The following IFNGR2 variants were observed in gnomAD, a reference collection of about 807,000 sequenced individuals.
IFNGR2 encodes the protein interferon gamma receptor 2, also known as IFN-gamma receptor 2.
In IFNGR2, 15 loss-of-function variants were observed where a neutral mutation model predicts 41.1. That is an observed-to-expected ratio of 0.37 (90% CI 0.24 to 0.56). IFNGR2 has a LOEUF of 0.56. Among genes scored for constraint, IFNGR2 ranks in the 20% least tolerant of loss-of-function variants. The pLI is 0.81. For missense variants in IFNGR2, 362 were observed against 415.7 expected, an observed-to-expected ratio of 0.87 and a Z score of 1.12; for synonymous variants, 161 against 171.6, an observed-to-expected ratio of 0.94 and a Z score of 0.48.
At chr21:33,413,826 CTTTTTTTTTT>C (rs3057381) in intron 1 of IFNGR2, among the ~76,000 whole-genome samples, 4 of 61,740 alleles carry the variant, frequency 6.5e-5, no homozygotes, top group East Asian at 1.0e-3. Flanking sequence ...GCCCCCTAAC[CTTTTTTTTTT>C]TTTTTTTTTT....
intron 6 of IFNGR2, among the ~76,000 whole-genome samples, chr21:33,435,463 C>A (rs990466955): frequency 1.3e-5 from 2 of 152,106 alleles, no homozygotes; most frequent in Non-Finnish European, 2.9e-5. Flanking sequence ...ATCAGAAAAT[C>A]AGAAGAAAAA....
intron 2 of IFNGR2, among the ~76,000 whole-genome samples, chr21:33,416,888 G>C (rs2083757575): frequency 6.7e-6 from 1 of 149,192 alleles, no homozygotes; most frequent in Non-Finnish European, 1.5e-5. Context: ...TGTTAGAGGA[G>C]TAGGTTTCCA....
chr21:33,429,122 G>A (rs2083864192), intron 4 of IFNGR2, among the ~76,000 whole-genome samples: 1 of 152,192 alleles, frequency 6.6e-6, no homozygotes, highest in Non-Finnish European at 1.5e-5. Context: ...CTATAAGCTG[G>A]AGCCTGTGAA....
intron 1 of IFNGR2, among the ~76,000 whole-genome samples, chr21:33,405,590 A>C (rs1376442440): frequency 1.3e-5 from 2 of 152,186 alleles, no homozygotes; most frequent in African/African-American, 4.8e-5. Context: ...CTTACCTGTG[A>C]TGAGTCCAGA....
chr21:33,431,633 G>A (rs180764014), intron 4 of IFNGR2, among the ~76,000 whole-genome samples: 3 of 152,244 alleles, frequency 2.0e-5, no homozygotes, highest in Non-Finnish European at 2.9e-5. Flanking sequence ...CCAGGCTGGC[G>A]CAATCTCAGC....
intron 3 of IFNGR2, among the ~76,000 whole-genome samples, chr21:33,422,371 A>T (rs2083800257): frequency 1.3e-5 from 2 of 152,214 alleles, no homozygotes; most frequent in South Asian, 4.1e-4. Flanking sequence ...CATGAAACTT[A>T]CATGGATCTT....
intron 6 of IFNGR2, among the ~76,000 whole-genome samples, 159 bp from the exon 7 acceptor site, chr21:33,436,669 C>T (rs1251996921): frequency 6.6e-6 from 1 of 151,392 alleles, no homozygotes; most frequent in Non-Finnish European, 1.5e-5. Context: ...TTGCAGTGAG[C>T]TGAGATCACA....
intron 1 of IFNGR2, among the ~76,000 whole-genome samples, chr21:33,409,820 T>C (rs1422186535): frequency 6.6e-6 from 1 of 152,156 alleles, no homozygotes; most frequent in Non-Finnish European, 1.5e-5. Context: ...ACATGTCCCT[T>C]GGTTTCCTAA....
rs78607908 is a variant in IFNGR2 at position 33,415,094 on chromosome 21, A to C, written c.206+74A>C. On this transcript the variant is annotated intron_variant, in intron 2 of 6. Transcript: ENST00000290219. Reference sequence around the variant, plus strand: ...GTGCGGAACCCTGGGGCCACATACTAGTCCCTGCCTCTGTGCAGGGTTTGT... The same window carrying C: ...GTGCGGAACCCTGGGGCCACATACTCGTCCCTGCCTCTGTGCAGGGTTTGT... The C allele has an allele frequency of 2.0e-6, 3 of 1,527,160 alleles. No homozygotes were observed. The African/African-American group carries it at 4.1e-5, about 21-fold the overall frequency. 94.6% of individuals were successfully genotyped at this position (1,527,160 alleles called of 1,614,324 possible). A position where few individuals can be genotyped will look rare whatever the true frequency, so the allele number is the denominator to read the frequency against.
Position 33,436,872 on chromosome 21 carries a change from G to A in IFNGR2, c.924G>A (p.Lys308=). The A allele has an allele frequency of 6.2e-7, 1 of 1,614,090 alleles. No homozygotes were observed. The change falls in exon 7 of 7, where the codon AAG becomes AAA. Residue 308 remains lysine, a synonymous_variant. Coordinates refer to ENST00000290219, the MANE Select transcript of IFNGR2 (RefSeq NM_005534.4). The part of the protein sequence containing the change: ...PTQPILEALD[K]DSSPKDDVWD... Reference sequence around the variant, plus strand: ...AGCCCATCTTAGAGGCCTTGGACAAGGACAGCTCACCAAAGGATGACGTCT... The same window carrying A: ...AGCCCATCTTAGAGGCCTTGGACAAAGACAGCTCACCAAAGGATGACGTCT...
chr21:33,407,844 G>A (rs974279419), intron 1 of IFNGR2, among the ~76,000 whole-genome samples: 3 of 55,744 alleles, frequency 5.4e-5, no homozygotes, highest in East Asian at 5.7e-4. Context: ...GATCCCCACC[G>A]CACCCCCCCC....
At chr21:33,419,191 C>T (rs576464250) in intron 2 of IFNGR2, among the ~76,000 whole-genome samples, 3 of 152,242 alleles carry the variant, frequency 2.0e-5, no homozygotes, top group East Asian at 1.9e-4. Context: ...CTGAAACCTC[C>T]GCCGCCTGGG....
chr21:33,423,432 G>T (rs1423522967), intron 3 of IFNGR2, among the ~76,000 whole-genome samples: 1 of 151,588 alleles, frequency 6.6e-6, no homozygotes, highest in Admixed American at 6.6e-5. Context: ...TTGCACTGTC[G>T]CCCAGGCTGG....
Position 33,410,055 on chromosome 21 carries a change from C to T in IFNGR2, c.74-4833C>T, listed in dbSNP as rs187388694. 1.6e-4 allele frequency among the ~76,000 whole-genome samples: 25 copies of T among 151,834 alleles called. No individual in the cohort carries two copies. In the East Asian group the frequency reaches 3.5e-3, roughly 21 times the overall value. ...AACATACCAGTAAGTTCCTTGCCTT[C>T]GGGGAAGTTTAAGTTTATTAAAAGC... On this transcript the variant is annotated intron_variant, in intron 1 of 6. Transcript: ENST00000290219.
At chr21:33,435,882 C>A (rs1184597446) in intron 6 of IFNGR2, among the ~76,000 whole-genome samples, 37 of 48,242 alleles carry the variant, frequency 7.7e-4, no homozygotes, top group Admixed American at 1.6e-3. Context: ...GACTCCGTCT[C>A]AAAAAAAAAA....
intron 3 of IFNGR2, among the ~76,000 whole-genome samples, chr21:33,423,546 G>C: frequency 6.6e-6 from 1 of 151,712 alleles, no homozygotes; most frequent in East Asian, 2.0e-4. Context: ...GGGACTACAG[G>C]TGCACGCCAC....
chr21:33,412,362 G>A (rs2083723446), intron 1 of IFNGR2, among the ~76,000 whole-genome samples: 1 of 152,158 alleles, frequency 6.6e-6, no homozygotes, highest in South Asian at 2.1e-4. Context: ...GATTTTCTTT[G>A]TGCTTACATA....
chr21:33,406,855 C>G (rs2083681053), intron 1 of IFNGR2, among the ~76,000 whole-genome samples: 1 of 151,824 alleles, frequency 6.6e-6, no homozygotes, highest in South Asian at 2.1e-4. Flanking sequence ...CACCGTGTTT[C>G]CCAGGCTGGT....
chr21:33,416,243 A>G (rs2083752141), intron 2 of IFNGR2, among the ~76,000 whole-genome samples: 1 of 152,238 alleles, frequency 6.6e-6, no homozygotes, highest in African/African-American at 2.4e-5. Flanking sequence ...ATGAAGAGAT[A>G]CATGGAAGTG....
Sources: allele counts gnomAD v4.1 joint callset (sites outside exome capture counted in the v4.1 genomes callset), GRCh38; gene constraint gnomAD v4.1.1; transcripts MANE v1.5; gene names NCBI Gene and HGNC (gene_info 2026-07-23, HGNC 2026-07-21).